AOPEP: variants seen among roughly 807,000 people sequenced by gnomAD.
The protein encoded by AOPEP is aminopeptidase O (putative), also known as aminopeptidase O.
AOPEP carries 77 observed loss-of-function variants against 98.1 expected under a neutral mutation model. The ratio of observed to expected loss-of-function variants is 0.78; its 90% CI spans 0.65 to 0.95. The LOEUF is 0.95. AOPEP is among the 40% of genes least tolerant of loss of function. AOPEP has a pLI of 0.00. For synonymous variants in AOPEP, 346 were observed against 365.3 expected (o/e 0.95, Z 0.60); for missense variants, 1,024 against 1,024.7 (o/e 1.00, Z 0.01).
intron 1 of AOPEP, among the ~76,000 whole-genome samples, chr9:94,737,825 G>C (rs1038052792): frequency 3.3e-5 from 5 of 152,138 alleles, no homozygotes; most frequent in African/African-American, 1.2e-4. Flanking sequence ...GGGAGTTCCT[G>C]GCCTGTTTCA....
Position 94,773,077 on chromosome 9 carries a change from G to A in AOPEP, c.873G>A (p.Met291Ile). 1 of 1,614,084 alleles carries A rather than the reference G, an allele frequency of 6.2e-7. No homozygotes were observed. Residue 291 changes from methionine to isoleucine, a missense_variant, in exon 3 of 17, where the codon ATG becomes ATA. Coordinates refer to ENST00000375315, the MANE Select transcript of AOPEP (RefSeq NM_001193329.3). ...CATGCCAGGAGCCACCCGTTGCCAT[G>A]TCAACATGGCAGGCTACAGTTCGAG... ...LFPCQEPPVA[M>I]STWQATVRAA...
At chr9:95,064,057 C>T (rs555206580) in intron 14 of AOPEP, among the ~76,000 whole-genome samples, 24 of 152,238 alleles carry the variant, frequency 1.6e-4, no homozygotes, top group Admixed American at 1.4e-3. Flanking sequence ...TTGGGAGGCT[C>T]CACTCTTTCA....
intron 13 of AOPEP, among the ~76,000 whole-genome samples, chr9:95,032,765 A>G (rs1754264374): frequency 6.6e-6 from 1 of 152,182 alleles, no homozygotes; most frequent in South Asian, 2.1e-4. Flanking sequence ...AAGTGAGGGG[A>G]GGGTGGTTTG....
chr9:95,054,153 T>C (rs1276807721), intron 13 of AOPEP, among the ~76,000 whole-genome samples: 1 of 152,256 alleles, frequency 6.6e-6, no homozygotes, highest in Non-Finnish European at 1.5e-5. Context: ...CATGCCATTG[T>C]TGTCATGGCA....
chr9:95,000,474 A>T (rs545292893), intron 11 of AOPEP, among the ~76,000 whole-genome samples: 1 of 152,198 alleles, frequency 6.6e-6, no homozygotes, highest in African/African-American at 2.4e-5. Context: ...TTGGGAGGCC[A>T]AGGTGGGTGG....
In AOPEP at chr9:94,935,653, G is replaced by T. The variant is rs72750312; in HGVS notation, c.1661+7122G>T. ...GAAAGACAGGCTCAGGCAACCCCAG[G>T]GCCACCCTCTGACGAAGAGTCGCAG... On this transcript the variant is annotated intron_variant, in intron 7 of 16. Transcript: ENST00000375315. Among the ~76,000 whole-genome samples, 809 of 152,204 alleles carry T rather than the reference G, an allele frequency of 5.3e-3. 13 individuals are homozygous for T. The highest frequency in any genetic ancestry group is 0.043 in the East Asian group (224 of 5,164).
intron 1 of AOPEP, among the ~76,000 whole-genome samples, chr9:94,738,860 C>T (rs963047915): frequency 3.3e-5 from 5 of 152,180 alleles, no homozygotes; most frequent in South Asian, 4.1e-4. Flanking sequence ...AGGCGTGAGC[C>T]GCTGTGCCCC....
At chr9:95,091,603 G>A (rs930151350), downstream of AOPEP, among the ~76,000 whole-genome samples, 3 of 152,156 alleles carry the variant, frequency 2.0e-5, no homozygotes, top group African/African-American at 7.2e-5. Flanking sequence ...GCACCCGCGG[G>A]ACAGTGACCT....
chr9:94,745,787 G>A (rs1340329299), intron 1 of AOPEP, among the ~76,000 whole-genome samples: 2 of 152,164 alleles, frequency 1.3e-5, no homozygotes, highest in Non-Finnish European at 2.9e-5. Context: ...CACTTAGGTT[G>A]ATGCCAAATC....
intron 1 of AOPEP, among the ~76,000 whole-genome samples, chr9:94,758,407 A>C (rs1373166882): frequency 3.3e-5 from 5 of 152,196 alleles, no homozygotes; most frequent in Non-Finnish European, 7.3e-5. Flanking sequence ...TTTGAAGAGG[A>C]AATAGTCTGT....
chr9:94,733,099 C>CTT (rs200657561), intron 1 of AOPEP, among the ~76,000 whole-genome samples: 70 of 140,226 alleles, frequency 5.0e-4, no homozygotes, highest in Admixed American at 2.0e-3. Context: ...TAATCATTTT[C>CTT]TTTCTCTTTT....
At chr9:94,737,754 G>A (rs555580070) in intron 1 of AOPEP, among the ~76,000 whole-genome samples, 2 of 152,326 alleles carry the variant, frequency 1.3e-5, no homozygotes, top group African/African-American at 4.8e-5. Context: ...GATGTGGTGT[G>A]CTTAAGAGTG....
intron 7 of AOPEP, among the ~76,000 whole-genome samples, chr9:94,942,310 C>T (rs965411653): frequency 1.3e-5 from 2 of 152,196 alleles, no homozygotes; most frequent in Non-Finnish European, 2.9e-5. Flanking sequence ...CTTTGTTCCA[C>T]AGAGTATTTG....
intron 7 of AOPEP, among the ~76,000 whole-genome samples, chr9:94,943,894 T>G (rs2057302223): frequency 8.6e-6 from 1 of 115,960 alleles, no homozygotes; most frequent in African/African-American, 3.3e-5. Flanking sequence ...CACTCCAGCC[T>G]GGGCAACAGA....
At chr9:95,146,675 G>A in the AOPEP span, among the ~76,000 whole-genome samples, 1 of 151,846 alleles carries the variant, frequency 6.6e-6, no homozygotes, top group Non-Finnish European at 1.5e-5. Context: ...GACGGAGAGG[G>A]CTCTGCAAAT....
At chr9:95,040,029 A>G (rs1303990313) in intron 13 of AOPEP, among the ~76,000 whole-genome samples, 1 of 152,258 alleles carries the variant, frequency 6.6e-6, no homozygotes, top group Non-Finnish European at 1.5e-5. Context: ...TGAGGAGCTC[A>G]GAGGCACAGG....
intron 11 of AOPEP, among the ~76,000 whole-genome samples, chr9:94,991,937 C>T (rs2060915653): frequency 1.3e-5 from 2 of 152,208 alleles, no homozygotes; most frequent in African/African-American, 4.8e-5. Flanking sequence ...AGCCATTCCT[C>T]ACTTGAGATG....
the AOPEP span, among the ~76,000 whole-genome samples, chr9:95,136,599 G>C: frequency 6.6e-6 from 1 of 152,184 alleles, no homozygotes; most frequent in East Asian, 1.9e-4. Context: ...TGATCCTCCT[G>C]CATCAGTCTC....
chr9:94,977,301 C>G (rs2059910545), intron 10 of AOPEP, among the ~76,000 whole-genome samples: 1 of 152,088 alleles, frequency 6.6e-6, no homozygotes, highest in Non-Finnish European at 1.5e-5. Context: ...GTGGAGGGGT[C>G]AGGTTCCTGC....
Sources: allele counts gnomAD v4.1 joint callset (sites outside exome capture counted in the v4.1 genomes callset), GRCh38; gene constraint gnomAD v4.1.1; transcripts MANE v1.5; gene names NCBI Gene and HGNC (gene_info 2026-07-23, HGNC 2026-07-21).